The following GLMN variants were observed in gnomAD, a reference collection of about 807,000 sequenced individuals.
GLMN encodes the protein glomulin.
In GLMN, 75 loss-of-function variants were observed where a neutral mutation model predicts 87.8. The ratio of observed to expected loss-of-function variants is 0.85; its 90% confidence interval spans 0.71 to 1.04. GLMN has a LOEUF of 1.04. GLMN is among the 50% of genes least tolerant of loss of function. The probability of loss-of-function intolerance (pLI) is 0.00; values close to 1 mark genes in which losing one functional copy is unlikely to be tolerated. For synonymous variants in GLMN, 206 were observed against 221.6 expected, an observed-to-expected ratio of 0.93 and a Z score of 0.63; for missense variants, 588 against 658.8, an observed-to-expected ratio of 0.89 and a Z score of 1.18.
chr1:92,289,352 GT>G (rs1224733645), intron 5 of GLMN, among the ~76,000 whole-genome samples: 4 of 152,126 alleles, frequency 2.6e-5, no homozygotes, highest in Non-Finnish European at 5.9e-5. Flanking sequence ...ATGAAATGCT[GT>G]TTAGGTTATG....
At position 92,267,216 on chromosome 1, in the gene GLMN, G is replaced by T. The variant is rs559856965; in HGVS notation, c.1099-475C>A. Among the ~76,000 whole-genome samples, 10 of 152,222 alleles carry T rather than the reference G, an allele frequency of 6.6e-5. No individual in the cohort carries two copies. In the South Asian group the frequency reaches 1.2e-3, roughly 19 times the overall value. ...AATGTGTATTAGTCTTTCTGGTAATGAGTCAGTGGATGCCTTAGATGGAGT... is the reference window on the plus strand; with the variant it reads ...AATGTGTATTAGTCTTTCTGGTAATTAGTCAGTGGATGCCTTAGATGGAGT... On this transcript the variant is annotated intron_variant, in intron 11 of 18. Transcript: ENST00000370360.
the GLMN span, among the ~76,000 whole-genome samples, chr1:92,334,972 A>AGT: frequency 2.0e-5 from 3 of 152,254 alleles, no homozygotes; most frequent in East Asian, 5.8e-4. Flanking sequence ...TGAGCAACAG[A>AGT]GTGAGACTCC....
chr1:92,365,077 C>T, the GLMN span, among the ~76,000 whole-genome samples: 1 of 152,178 alleles, frequency 6.6e-6, no homozygotes, highest in Non-Finnish European at 1.5e-5. Context: ...CTTTTCATAT[C>T]TGCCTATTCT....
At chr1:92,327,300 C>T in the GLMN span, among the ~76,000 whole-genome samples, 1 of 152,074 alleles carries the variant, frequency 6.6e-6, no homozygotes, top group Admixed American at 6.5e-5. Flanking sequence ...TATCTCATTT[C>T]CTAGGTCTCG....
the GLMN span, among the ~76,000 whole-genome samples, chr1:92,341,239 G>C: frequency 6.6e-6 from 1 of 152,106 alleles, no homozygotes; most frequent in African/African-American, 2.4e-5. Flanking sequence ...GAACTCCTGA[G>C]CCCAAGCAAT....
the GLMN span, among the ~76,000 whole-genome samples, chr1:92,361,079 T>C: frequency 5.1e-5 from 7 of 137,184 alleles, no homozygotes; most frequent in African/African-American, 1.9e-4. Context: ...GCAAAAAGCA[T>C]ATATATATAT....
At chr1:92,327,289 C>G in the GLMN span, among the ~76,000 whole-genome samples, 1 of 151,976 alleles carries the variant, frequency 6.6e-6, no homozygotes, top group Non-Finnish European at 1.5e-5. Flanking sequence ...GTGTTGCTTT[C>G]TATCTCATTT....
At chr1:92,247,036 GGAAA>G (rs1304552475) in intron 18 of GLMN, 22 bp downstream of exon 18, 2 of 1,206,834 alleles carry the variant, frequency 1.7e-6, no homozygotes, top group Non-Finnish European at 2.4e-6. Context: ...AGAAGAAAAA[GGAAA>G]GAAAAGAAAA....
chr1:92,270,372 T>C (rs150560415), intron 8 of GLMN, among the ~76,000 whole-genome samples: 58 of 152,334 alleles, frequency 3.8e-4, no homozygotes, highest in African/African-American at 1.3e-3. Context: ...ACAAAGTAGT[T>C]AGATCTTCAG....
the GLMN span, among the ~76,000 whole-genome samples, chr1:92,327,216 G>C: frequency 6.6e-6 from 1 of 152,106 alleles, no homozygotes; most frequent in Non-Finnish European, 1.5e-5. Flanking sequence ...TGATCATTCA[G>C]GAACAGGTCT....
At chr1:92,293,338 C>T (rs1649642819) in intron 3 of GLMN, among the ~76,000 whole-genome samples, 1 of 151,880 alleles carries the variant, frequency 6.6e-6, no homozygotes, top group African/African-American at 2.4e-5. Flanking sequence ...AAAAGGAAAC[C>T]CTCATATATT....
chr1:92,364,350 T>C, the GLMN span, among the ~76,000 whole-genome samples: 1 of 152,108 alleles, frequency 6.6e-6, no homozygotes, highest in Non-Finnish European at 1.5e-5. Flanking sequence ...ACTAATGAGA[T>C]AATAGTTCAA....
chr1:92,348,110 C>T, the GLMN span, among the ~76,000 whole-genome samples: 18 of 152,216 alleles, frequency 1.2e-4, no homozygotes, highest in Admixed American at 9.8e-4. Context: ...AGGCTGGTCT[C>T]GAACTCCTGA....
At chr1:92,304,010 G>A in the GLMN span, 1 of 1,613,000 alleles carries the variant, frequency 6.2e-7, no homozygotes, top group Non-Finnish European at 8.5e-7. Flanking sequence ...CTACAGTGAT[G>A]TCGTGGATGA....
At chr1:92,331,612 C>T in the GLMN span, among the ~76,000 whole-genome samples, 2 of 152,156 alleles carry the variant, frequency 1.3e-5, no homozygotes, top group African/African-American at 4.8e-5. Flanking sequence ...CATGATTTAA[C>T]TCCATCTATC....
At chr1:92,264,953 TGCCTCA>T (rs1330872359) in intron 13 of GLMN, among the ~76,000 whole-genome samples, 5 of 152,222 alleles carry the variant, frequency 3.3e-5, no homozygotes, top group Non-Finnish European at 7.3e-5. Context: ...GCGATTCTCC[TGCCTCA>T]GCCTCCTGAG....
intron 3 of GLMN, among the ~76,000 whole-genome samples, chr1:92,296,446 G>C (rs1044721609): frequency 2.0e-5 from 3 of 152,182 alleles, no homozygotes; most frequent in African/African-American, 7.2e-5. Flanking sequence ...AGTGCCAACA[G>C]GGGAAATGCC....
chr1:92,269,311 C>T (rs1237754410), intron 9 of GLMN, among the ~76,000 whole-genome samples: 3 of 151,396 alleles, frequency 2.0e-5, no homozygotes, highest in Non-Finnish European at 2.9e-5. Context: ...AGGTGGAAGT[C>T]AAGACACCTC....
chr1:92,347,358 C>A, the GLMN span, among the ~76,000 whole-genome samples: 1 of 152,168 alleles, frequency 6.6e-6, no homozygotes, highest in African/African-American at 2.4e-5. Context: ...CCCACCAGAT[C>A]ATATGCCTGC....
Sources: gnomAD v4.1 joint callset for allele counts (sites outside exome capture counted in the v4.1 genomes callset) on GRCh38, gnomAD v4.1.1 for gene constraint, MANE v1.5 for transcripts, NCBI Gene and HGNC (gene_info 2026-07-23, HGNC 2026-07-21) for gene names.